DCC: variants seen among roughly 807,000 people sequenced by gnomAD.
The protein encoded by DCC is DCC netrin 1 receptor.
In DCC, 58 loss-of-function variants were observed where a neutral mutation model predicts 172.5. The observed-to-expected ratio is 0.34, with a 90% confidence interval of 0.27 to 0.42. The LOEUF (loss-of-function observed/expected upper bound fraction) is 0.42. DCC is among the 10% of genes least tolerant of loss of function. The pLI, the probability that DCC is intolerant of heterozygous loss-of-function variation, is 1.00. For synonymous variants in DCC, 709 were observed against 644.5 expected (o/e 1.10, Z -1.52); for missense variants, 1,740 against 1,791.0 (o/e 0.97, Z 0.51).
At chr18:52,808,667 C>G (rs367995286) in intron 2 of DCC, among the ~76,000 whole-genome samples, 1 of 152,154 alleles carries the variant, frequency 6.6e-6, no homozygotes, top group Non-Finnish European at 1.5e-5. Context: ...CTGCCACCTG[C>G]CAGTGGCAGG....
intron 12 of DCC, among the ~76,000 whole-genome samples, chr18:53,258,409 G>A (rs536050734): frequency 2.0e-5 from 3 of 151,832 alleles, no homozygotes; most frequent in African/African-American, 7.3e-5. Context: ...CTGATATGTT[G>A]TATCTTTGTT....
chr18:52,983,738 T>C (rs115440246), intron 5 of DCC, among the ~76,000 whole-genome samples: 2,115 of 152,284 alleles, frequency 0.014, 55 homozygotes, highest in African/African-American at 0.049. Context: ...TTTAAATTCC[T>C]CTGCCTAGAG....
intron 7 of DCC, among the ~76,000 whole-genome samples, chr18:53,078,583 C>G (rs1276699532): frequency 1.3e-5 from 2 of 151,822 alleles, no homozygotes; most frequent in African/African-American, 2.4e-5. Context: ...GTCTAGGTTA[C>G]AATCTAGGTT....
chr18:52,342,418 C>G (rs371221792), intron 1 of DCC, among the ~76,000 whole-genome samples: 1 of 121,832 alleles, frequency 8.2e-6, no homozygotes, highest in South Asian at 2.8e-4. Flanking sequence ...TCTTCTCTCC[C>G]GGAGCTTTGT....
At chr18:52,939,277 T>G (rs530594629) in intron 5 of DCC, among the ~76,000 whole-genome samples, 1 of 152,310 alleles carries the variant, frequency 6.6e-6, no homozygotes, top group East Asian at 1.9e-4. Context: ...TTCGACTGGA[T>G]CATAGCCCAA....
At chr18:52,610,167 AAAAAAAAAAAAATATAT>A (rs1361476249) in intron 1 of DCC, among the ~76,000 whole-genome samples, 3 of 23,042 alleles carry the variant, frequency 1.3e-4, no homozygotes, top group African/African-American at 5.6e-4. Context: ...AAAAAAAAAA[AAAAAAAAAAAAATATAT>A]ATATATATAT....
At chr18:52,966,817 A>T in intron 5 of DCC, among the ~76,000 whole-genome samples, 1 of 152,180 alleles carries the variant, frequency 6.6e-6, no homozygotes, top group Non-Finnish European at 1.5e-5. Flanking sequence ...CAGCCCACTC[A>T]TCTGTAACCA....
At chr18:53,145,848 T>C (rs886933174) in intron 7 of DCC, among the ~76,000 whole-genome samples, 3 of 152,162 alleles carry the variant, frequency 2.0e-5, no homozygotes, top group Admixed American at 6.5e-5. Flanking sequence ...GCCTTAGTAG[T>C]GATTTTAGGG....
intron 1 of DCC, among the ~76,000 whole-genome samples, chr18:52,434,987 C>T (rs1026328244): frequency 6.6e-6 from 1 of 152,158 alleles, no homozygotes; most frequent in African/African-American, 2.4e-5. Context: ...ATCATAGTGC[C>T]TCACTAGGGC....
chr18:52,813,318 T>C (rs763714259), intron 2 of DCC, among the ~76,000 whole-genome samples: 16 of 151,172 alleles, frequency 1.1e-4, no homozygotes, highest in Admixed American at 2.0e-4. Context: ...GGTGAAAACA[T>C]CAATTGGAGT....
At chr18:52,575,128 G>A (rs1213216539) in intron 1 of DCC, among the ~76,000 whole-genome samples, 2 of 152,118 alleles carry the variant, frequency 1.3e-5, no homozygotes, top group Non-Finnish European at 2.9e-5. Flanking sequence ...TGTTGCTGAT[G>A]TCATTAAGAT....
intron 5 of DCC, among the ~76,000 whole-genome samples, chr18:52,948,159 T>C (rs2040578701): frequency 6.6e-6 from 1 of 152,198 alleles, no homozygotes; most frequent in Non-Finnish European, 1.5e-5. Flanking sequence ...ATTTTCAGTG[T>C]GCTGTTCCAT....
chr18:52,742,182 TA>T (rs2036832118), intron 1 of DCC, among the ~76,000 whole-genome samples: 1 of 152,104 alleles, frequency 6.6e-6, no homozygotes, highest in Non-Finnish European at 1.5e-5. Flanking sequence ...CAAATCTTTT[TA>T]AGCCACCCAA....
At chr18:52,943,140 C>A (rs1568202031) in intron 5 of DCC, among the ~76,000 whole-genome samples, 1 of 152,044 alleles carries the variant, frequency 6.6e-6, no homozygotes, top group Non-Finnish European at 1.5e-5. Flanking sequence ...TAGTGCAACT[C>A]AGAAGATAGA....
chr18:53,515,788 G>A (rs2046326412), intron 27 of DCC, among the ~76,000 whole-genome samples: 1 of 151,696 alleles, frequency 6.6e-6, no homozygotes, highest in Non-Finnish European at 1.5e-5. Flanking sequence ...CACTGCTCAA[G>A]GAAATAAAAG....
chr18:53,322,252 G>A, intron 14 of DCC, 95 bp downstream of exon 14: 1 of 746,240 alleles, frequency 1.3e-6, no homozygotes, highest in South Asian at 1.4e-5. Flanking sequence ...CCAACTTTGG[G>A]GACATTGATT....
At chr18:53,131,963 T>TTC (rs1416581473) in intron 7 of DCC, among the ~76,000 whole-genome samples, 1 of 141,288 alleles carries the variant, frequency 7.1e-6, no homozygotes, top group Non-Finnish European at 1.5e-5. Context: ...ATTTTTTTTT[T>TTC]TTTTTTTTTT....
intron 1 of DCC, among the ~76,000 whole-genome samples, chr18:52,429,115 C>T (rs1462912223): frequency 6.6e-6 from 1 of 152,066 alleles, no homozygotes; most frequent in African/African-American, 2.4e-5. Flanking sequence ...CTAATTTTTA[C>T]TGATGTCCAT....
At chr18:52,488,682 C>G (rs966756961) in intron 1 of DCC, among the ~76,000 whole-genome samples, 2 of 152,082 alleles carry the variant, frequency 1.3e-5, no homozygotes, top group African/African-American at 4.8e-5. Context: ...CCCATAGACA[C>G]CAAGACTTGA....
Sources: gnomAD v4.1 joint callset for allele counts (sites outside exome capture counted in the v4.1 genomes callset) on GRCh38, gnomAD v4.1.1 for gene constraint, MANE v1.5 for transcripts, NCBI Gene and HGNC (gene_info 2026-07-23, HGNC 2026-07-21) for gene names.